The following LCA5L variants were observed in gnomAD, a reference collection of about 807,000 sequenced individuals.
LCA5L encodes lebercilin-like protein.
Under a neutral mutation model 45.4 loss-of-function variants are expected in LCA5L, and 35 were observed. The ratio of observed to expected loss-of-function variants is 0.77; its 90% CI spans 0.59 to 1.02. The LOEUF is 1.02. LCA5L is among the 50% of genes least tolerant of loss of function. The pLI, the probability that LCA5L is intolerant of heterozygous loss-of-function variation, is 0.00. For synonymous variants in LCA5L, 233 were observed against 264.7 expected, an observed-to-expected ratio of 0.88 and a Z score of 1.16; for missense variants, 668 against 761.6, an observed-to-expected ratio of 0.88 and a Z score of 1.45.
chr21:39,411,925 A>T (rs2040151792), intron 7 of LCA5L, 123 bp from the exon 8 acceptor site: 1 of 587,204 alleles, frequency 1.7e-6, no homozygotes, highest in Non-Finnish European at 3.1e-6. Context: ...TTTAGAAGAA[A>T]CAGAAATAGG....
Position 39,410,038 on chromosome 21 carries a change from T to G in LCA5L, c.1223A>C (p.Glu408Ala). ...TAGTTTATTCACACAGTGAGGAATT[T>G]CATGATTTATTTCAGTTGATTTTTC... ...HKEKSTEINH[E>A]IPHCVNKLPK... is the part of the protein sequence containing the mutation. Residue 408 changes from glutamate to alanine, a missense_variant, in exon 10 of 11, where the codon GAA becomes GCA. By Grantham distance (107) the Glu-to-Ala change is moderately radical. Transcript: ENST00000288350. The G allele has an allele frequency of 1.2e-6, 2 of 1,610,490 alleles. No homozygotes were observed. Among genetic ancestry groups the G allele is most frequent in the Non-Finnish European group, 1.7e-6 (2 of 1,177,282 alleles).
intron 1 of LCA5L, among the ~76,000 whole-genome samples, chr21:39,445,093 G>C (rs112923842): frequency 0.029 from 892 of 30,612 alleles, 10 homozygotes; most frequent in African/African-American, 0.089. Context: ...CTCACATTCA[G>C]CCGTGAAAAC....
chr21:39,406,356 G>A lies in LCA5L; in HGVS notation c.1539C>T (p.Tyr513=), dbSNP rs780739817. Residue 513 remains tyrosine, a synonymous_variant, in exon 11 of 11, where the codon TAC becomes TAT. Transcript: ENST00000288350. ...TTCTTTGTCTGAGGGGGCCTTTCGT[G>A]TAGGGAGCAGTGCCTTTGCCAAGTG... ...DDTLGKGTAP[Y]TKGPLRQRRH... 6.2e-7 allele frequency: 1 copy of A among 1,614,180 alleles called. No homozygotes were observed.
intron 5 of LCA5L, among the ~76,000 whole-genome samples, chr21:39,425,620 C>A (rs1569105275): frequency 1.3e-5 from 2 of 152,184 alleles, no homozygotes; most frequent in African/African-American, 4.8e-5. Context: ...CACTTTAATA[C>A]TCTGGGCACT....
chr21:39,415,549 G>A (rs1033595254), intron 7 of LCA5L, among the ~76,000 whole-genome samples: 1 of 152,020 alleles, frequency 6.6e-6, no homozygotes, highest in Non-Finnish European at 1.5e-5. Context: ...GCAAACAAGG[G>A]TATCCCTTTT....
chr21:39,406,274 C>T lies in LCA5L; in HGVS notation c.1621G>A (p.Gly541Arg). Reference protein sequence around the residue: ...ENLHHGLPASGGPANAGNMRY... With the variant: ...ENLHHGLPASRGPANAGNMRY... ...ATGTTGCCGGCATTGGCTGGCCCCC[C>T]TGAAGCAGGAAGCCCATGATGCAGG... is the stretch of plus-strand genomic sequence containing the variant. Residue 541 changes from glycine (G) to arginine (R), a missense_variant, in exon 11 of 11, where the codon GGG becomes AGG. Transcript: ENST00000288350. The T allele has an allele frequency of 1.9e-6, 3 of 1,614,228 alleles. No individual in the cohort carries two copies. The highest frequency in any genetic ancestry group is 2.5e-6 in the Non-Finnish European group (3 of 1,180,042).
chr21:39,415,570 T>A (rs1324852155), intron 7 of LCA5L, among the ~76,000 whole-genome samples: 2 of 152,216 alleles, frequency 1.3e-5, no homozygotes, highest in African/African-American at 4.8e-5. Flanking sequence ...AAAACCTAAC[T>A]GCAGTATCTT....
At chr21:39,420,957 G>A (rs1185906789) in intron 6 of LCA5L, 114 bp from the exon 7 acceptor site, 2 of 767,716 alleles carry the variant, frequency 2.6e-6, no homozygotes, top group Non-Finnish European at 4.2e-6. Context: ...TACAATTTTA[G>A]TGAATGACTT....
At chr21:39,445,285 A>G (rs1261095526) in intron 1 of LCA5L, among the ~76,000 whole-genome samples, 1 of 152,216 alleles carries the variant, frequency 6.6e-6, no homozygotes, top group African/African-American at 2.4e-5. Context: ...AAGGTTAGAA[A>G]GAAAAACTAA....
chr21:39,408,570 C>T (rs2039511399), intron 10 of LCA5L: 1 of 152,332 alleles, frequency 6.6e-6, no homozygotes, highest in Non-Finnish European at 1.5e-5. Context: ...TTGCCCATGG[C>T]TGATGAAGTG....
intron 4 of LCA5L, among the ~76,000 whole-genome samples, 191 bp downstream of exon 4, chr21:39,428,940 A>G (rs140928129): frequency 7.5e-4 from 114 of 152,148 alleles, no homozygotes; most frequent in African/African-American, 2.6e-3. Flanking sequence ...AATACTTTCA[A>G]TAAGCCCTCT....
intron 8 of LCA5L, chr21:39,411,005 C>T (rs1294669561): frequency 2.0e-5 from 9 of 457,342 alleles, no homozygotes; most frequent in Middle Eastern, 3.3e-4. Context: ...AAGCAGTGCA[C>T]GTGCTCTTGA....
chr21:39,414,736 CTCTCTCTGTGTGTGTGTG>C (rs1468795674), intron 7 of LCA5L, among the ~76,000 whole-genome samples: 103 of 92,282 alleles, frequency 1.1e-3, no homozygotes, highest in African/African-American at 3.9e-3. Flanking sequence ...CTCTCTCTCT[CTCTCTCTGTGTGTGTGTG>C]TGTGTGTGTG....
chr21:39,414,742 C>CTGTGTGTGTGTGTGTGTG (rs66478742), intron 7 of LCA5L, among the ~76,000 whole-genome samples: 8 of 99,234 alleles, frequency 8.1e-5, no homozygotes, highest in African/African-American at 2.6e-4. Flanking sequence ...CTCTCTCTCT[C>CTGTGTGTGTGTGTGTGTG]TGTGTGTGTG....
At chr21:39,412,923 G>T (rs2040360044) in intron 7 of LCA5L, among the ~76,000 whole-genome samples, 1 of 152,192 alleles carries the variant, frequency 6.6e-6, no homozygotes, top group African/African-American at 2.4e-5. Flanking sequence ...ACCTGTGGAG[G>T]GAGCTGCACC....
chr21:39,419,482 G>T (rs955222409), intron 7 of LCA5L, among the ~76,000 whole-genome samples: 2 of 142,868 alleles, frequency 1.4e-5, no homozygotes, highest in Admixed American at 7.4e-5. Context: ...CCAGGATGGT[G>T]CCACCGCATT....
At chr21:39,434,586 C>T (rs1467407531) in intron 3 of LCA5L, among the ~76,000 whole-genome samples, 3 of 152,184 alleles carry the variant, frequency 2.0e-5, no homozygotes, top group East Asian at 1.9e-4. Context: ...GGTGTGATCA[C>T]AGCTCACTGC....
intron 5 of LCA5L, among the ~76,000 whole-genome samples, chr21:39,426,978 G>A (rs2074827920): frequency 6.6e-6 from 1 of 152,230 alleles, no homozygotes; most frequent in Non-Finnish European, 1.5e-5. Flanking sequence ...ATTTCATGGG[G>A]TTCACAGACA....
chr21:39,417,941 AT>A (rs1164884064), intron 7 of LCA5L, among the ~76,000 whole-genome samples: 6 of 151,748 alleles, frequency 4.0e-5, no homozygotes, highest in Admixed American at 6.6e-5. Context: ...AATTTTTTGT[AT>A]TTTTTAGTAG....
Sources: gnomAD v4.1 joint callset for allele counts (sites outside exome capture counted in the v4.1 genomes callset) on GRCh38, gnomAD v4.1.1 for gene constraint, MANE v1.5 for transcripts, NCBI Gene and HGNC (gene_info 2026-07-23, HGNC 2026-07-21) for gene names.